Variants in MTO1 observed in about 807,000 individuals in gnomAD.
MTO1 encodes the protein 5-taurinomethyluridine-[tRNA] synthase subunit MTO1, mitochondrial.
MTO1 carries 46 observed loss-of-function variants against 71.6 expected under a neutral mutation model. The observed-to-expected ratio is 0.64, with a 90% CI of 0.51 to 0.82. The LOEUF (loss-of-function observed/expected upper bound fraction) is 0.82, where lower values mean the gene tolerates loss of function less well. Among genes scored for constraint, MTO1 ranks in the 40% least tolerant of loss-of-function variants. MTO1 has a pLI of 0.00. For synonymous variants in MTO1, 297 were observed against 312.1 expected (o/e 0.95, Z 0.51); for missense variants, 773 against 867.5 (o/e 0.89, Z 1.37).
At position 73,503,897 on chromosome 6, in the gene MTO1, G is replaced by A. The variant is rs1344798628; in HGVS notation, c.*3162G>A. ...TTTAAAAGTATTTTGTCATTTTTTAGTTTCAACCTAGATTGGAATAGCCAT... is the reference window on the plus strand; with the variant it reads ...TTTAAAAGTATTTTGTCATTTTTTAATTTCAACCTAGATTGGAATAGCCAT... On this transcript the variant is annotated 3_prime_UTR_variant, in exon 12 of 12. Transcript: ENST00000498286. 1 of 152,096 alleles carries A rather than the reference G, an allele frequency of 6.6e-6. No homozygotes were observed. The highest frequency in any genetic ancestry group is 1.5e-5 in the Non-Finnish European group (1 of 68,018). The allele number at this position is 152,096 out of a possible 1,614,324, so 9.4% of individuals were successfully genotyped here.
At position 73,504,322 on chromosome 6, in the gene MTO1, G is replaced by A. The variant is rs1249854806; in HGVS notation, c.*3587G>A. 1 of 151,978 alleles carries A rather than the reference G, an allele frequency of 6.6e-6. No individual in the cohort carries two copies. Among genetic ancestry groups the A allele is most frequent in the Non-Finnish European group, 1.5e-5 (1 of 68,032 alleles). 9.4% of individuals were successfully genotyped at this position (151,978 alleles called of 1,614,324 possible). ...AATTTTTAAGTTTTTGTAGATATGG[G>A]GTCTTACTATGTTGCCCAGGCTGGT... is the stretch of plus-strand genomic sequence containing the variant. On this transcript the variant is annotated 3_prime_UTR_variant, in exon 12 of 12. Transcript: ENST00000498286.
At chr6:73,476,701 A>G (rs777876663) in intron 4 of MTO1, among the ~76,000 whole-genome samples, 3 of 152,016 alleles carry the variant, frequency 2.0e-5, no homozygotes, top group Non-Finnish European at 4.4e-5. Context: ...CCTTAAGCCT[A>G]TATCTCAACT....
At chr6:73,476,687 C>CT (rs1771333065) in intron 4 of MTO1, among the ~76,000 whole-genome samples, 1 of 151,800 alleles carries the variant, frequency 6.6e-6, no homozygotes. Context: ...ATGATGAGCT[C>CT]TTACCTTAAG....
chr6:73,479,126 C>A (rs1582683708), intron 4 of MTO1, among the ~76,000 whole-genome samples: 1 of 148,632 alleles, frequency 6.7e-6, no homozygotes, highest in African/African-American at 2.5e-5. Flanking sequence ...TGACCTCGTG[C>A]TCCACCTGCC....
intron 1 of MTO1, among the ~76,000 whole-genome samples, chr6:73,464,835 CAAAAAAAAAAA>C (rs70996805): frequency 1.1e-4 from 3 of 28,354 alleles, no homozygotes; most frequent in Non-Finnish European, 2.0e-4. Context: ...AACTCTGTCT[CAAAAAAAAAAA>C]AAAAAAAAAA....
At chr6:73,464,695 C>T (rs1005898140) in intron 1 of MTO1, among the ~76,000 whole-genome samples, 14 of 150,642 alleles carry the variant, frequency 9.3e-5, no homozygotes, top group East Asian at 3.9e-4. Flanking sequence ...ATTAGCCAGG[C>T]GTGGTGGCGT....
At position 73,497,913 on chromosome 6, in the gene MTO1, G is replaced by A. The variant is rs372865741; in HGVS notation, c.1917+17G>A. ...CCACAGACGGTAAGAAAATAGGCAG[G>A]AGAATAGAAACAAGTTATAGATAAA... On this transcript the variant is annotated intron_variant, in intron 11 of 11. Transcript: ENST00000498286. 24 of 1,593,610 alleles carry A rather than the reference G, an allele frequency of 1.5e-5. 1 individual carries two copies. Among genetic ancestry groups the A allele is most frequent in the Admixed American group, 1.0e-4 (6 of 58,698 alleles).
At chr6:73,497,504 A>G (rs1387243708) in intron 10 of MTO1, among the ~76,000 whole-genome samples, 2 of 152,094 alleles carry the variant, frequency 1.3e-5, no homozygotes, top group African/African-American at 4.8e-5. Flanking sequence ...AAGGACATGC[A>G]CTAAACTACT....
chr6:73,476,217 TA>T (rs1014328760), intron 4 of MTO1, among the ~76,000 whole-genome samples: 8 of 147,156 alleles, frequency 5.4e-5, no homozygotes, highest in Non-Finnish European at 1.1e-4. Flanking sequence ...AAAAAAAAAA[TA>T]AAAAAATTAG....
rs555774216 is a variant in MTO1 at position 73,478,629 on chromosome 6, C to G, written c.826-1103C>G. 1.3e-3 allele frequency among the ~76,000 whole-genome samples: 204 copies of G among 152,294 alleles called. 2 individuals are homozygous for G. In the South Asian group the frequency reaches 0.016, roughly 12 times the overall value. On this transcript the variant is annotated intron_variant, in intron 4 of 11. Transcript: ENST00000498286. ...GCTTGGCCCACTGCAACCTCCACCCCCTGGGTTCAAGCGATTCTCCTGCCT... is the reference window on the plus strand; with the variant it reads ...GCTTGGCCCACTGCAACCTCCACCCGCTGGGTTCAAGCGATTCTCCTGCCT...
intron 4 of MTO1, 34 bp downstream of exon 4, chr6:73,473,688 G>A: frequency 6.5e-7 from 1 of 1,535,806 alleles, no homozygotes; most frequent in South Asian, 1.2e-5. Context: ...GCTTACAGCT[G>A]GTATTGGCTA....
intron 9 of MTO1, among the ~76,000 whole-genome samples, chr6:73,485,278 G>A (rs1378306535): frequency 6.6e-6 from 1 of 151,972 alleles, no homozygotes; most frequent in Non-Finnish European, 1.5e-5. Flanking sequence ...ACAATCCCAG[G>A]AGTAGCCATT....
Position 73,498,892 on chromosome 6 carries a change from T to A in MTO1, c.1917+996T>A, listed in dbSNP as rs541527825. On this transcript the variant is annotated intron_variant, in intron 11 of 11. Coordinates refer to ENST00000498286, the MANE Select transcript of MTO1 (RefSeq NM_012123.4). ...GGCGCATGCCACCACACTCAGCTAA[T>A]TTTTTTTTGTACTTTTAGCAGAGAC... Among the ~76,000 whole-genome samples, 5 of 151,548 alleles carry A rather than the reference T, an allele frequency of 3.3e-5. No homozygotes were observed. The South Asian group carries it at 1.0e-3, about 32-fold the overall frequency.
chr6:73,478,187 A>G (rs931130511), intron 4 of MTO1, among the ~76,000 whole-genome samples: 1 of 151,740 alleles, frequency 6.6e-6, no homozygotes, highest in African/African-American at 2.4e-5. Flanking sequence ...CAGAGGTTGC[A>G]GTGAGCAGAG....
intron 6 of MTO1, 74 bp from the exon 7 acceptor site, chr6:73,480,601 G>A (rs1582685434): frequency 1.9e-6 from 3 of 1,554,080 alleles, no homozygotes; most frequent in East Asian, 2.3e-5. Context: ...GCATTTAAGG[G>A]TAATGCTTGC....
intron 1 of MTO1, among the ~76,000 whole-genome samples, chr6:73,465,904 A>C (rs1770972522): frequency 6.6e-6 from 1 of 152,092 alleles, no homozygotes; most frequent in African/African-American, 2.4e-5. Flanking sequence ...GAATCGCTTG[A>C]ACCCAGGAGG....
intron 11 of MTO1, among the ~76,000 whole-genome samples, chr6:73,500,348 C>T (rs1474323896): frequency 6.6e-6 from 1 of 152,130 alleles, no homozygotes; most frequent in Non-Finnish European, 1.5e-5. Flanking sequence ...CTTGCACAAG[C>T]TATTTTAACA....
intron 4 of MTO1, among the ~76,000 whole-genome samples, chr6:73,479,223 G>T (rs565122067): frequency 6.6e-6 from 1 of 151,876 alleles, no homozygotes; most frequent in South Asian, 2.1e-4. Context: ...GGCCAGGCAC[G>T]GTGGCTCACA....
chr6:73,492,629 G>A (rs1771843890), intron 10 of MTO1: 1 of 263,838 alleles, frequency 3.8e-6, no homozygotes, highest in Admixed American at 4.6e-5. Context: ...GGCCAATATG[G>A]CAAAACCCTG....
Sources: gnomAD v4.1 joint callset for allele counts (sites outside exome capture counted in the v4.1 genomes callset) on GRCh38, gnomAD v4.1.1 for gene constraint, MANE v1.5 for transcripts, NCBI Gene and HGNC (gene_info 2026-07-23, HGNC 2026-07-21) for gene names.